AKAP6: variants seen among roughly 807,000 people sequenced by gnomAD.
AKAP6 encodes A-kinase anchor protein 6.
In AKAP6, 58 loss-of-function variants were observed where a neutral mutation model predicts 188.5. The observed-to-expected ratio is 0.31, with a 90% CI of 0.25 to 0.38. The LOEUF (loss-of-function observed/expected upper bound fraction) is 0.38, where lower values mean the gene tolerates loss of function less well. AKAP6 is among the 10% of genes least tolerant of loss of function. The pLI is 1.00. For synonymous variants in AKAP6, 989 were observed against 998.6 expected (o/e 0.99, Z 0.18); for missense variants, 2,710 against 2,740.0 (o/e 0.99, Z 0.24).
At position 32,385,913 on chromosome 14, in the gene AKAP6, T is replaced by C. The variant is rs564558605; in HGVS notation, c.-34-47547T>C. Among the ~76,000 whole-genome samples the C allele has an allele frequency of 2.1e-3, 310 of 148,846 alleles. 1 individual carries two copies. The highest frequency in any genetic ancestry group is 3.7e-3 in the Non-Finnish European group (248 of 67,386). On this transcript the variant is annotated intron_variant, in intron 1 of 13. Transcript: ENST00000280979. The stretch of plus-strand genomic sequence containing the variant: ...CAGTTCATATATATTGTACATGTAG[T>C]CATATATTATAGTTCATATATTATA...
chr14:32,762,387 T>A (rs1003048498), intron 11 of AKAP6, among the ~76,000 whole-genome samples: 4 of 152,144 alleles, frequency 2.6e-5, no homozygotes, highest in African/African-American at 9.7e-5. Flanking sequence ...AGGAACGATA[T>A]AACATATTAT....
At chr14:32,386,798 G>A (rs1328121469) in intron 1 of AKAP6, among the ~76,000 whole-genome samples, 4 of 152,082 alleles carry the variant, frequency 2.6e-5, no homozygotes, top group African/African-American at 9.7e-5. Flanking sequence ...GAAGAGATGA[G>A]GATCCAGTTT....
At chr14:32,763,109 A>G (rs1329966538) in intron 11 of AKAP6, among the ~76,000 whole-genome samples, 1 of 152,122 alleles carries the variant, frequency 6.6e-6, no homozygotes, top group Non-Finnish European at 1.5e-5. Context: ...TCAAGAGCCA[A>G]TAGAAATATG....
chr14:32,784,477 T>C (rs1037945202), intron 12 of AKAP6, among the ~76,000 whole-genome samples: 7 of 152,200 alleles, frequency 4.6e-5, no homozygotes, highest in African/African-American at 1.7e-4. Flanking sequence ...GAGGGTGTTA[T>C]ACATTGTGAG....
intron 7 of AKAP6, among the ~76,000 whole-genome samples, chr14:32,656,282 C>G (rs901438794): frequency 6.6e-6 from 1 of 152,032 alleles, no homozygotes; most frequent in Non-Finnish European, 1.5e-5. Flanking sequence ...AAAGGTGACT[C>G]TATTTAATGA....
chr14:32,352,664 G>A (rs767912722), intron 1 of AKAP6, among the ~76,000 whole-genome samples: 12 of 152,140 alleles, frequency 7.9e-5, no homozygotes, highest in Non-Finnish European at 1.5e-4. Context: ...TGTTGTATTT[G>A]TCTTTATGAG....
intron 12 of AKAP6, among the ~76,000 whole-genome samples, chr14:32,796,713 A>G (rs906689769): frequency 2.0e-5 from 3 of 152,116 alleles, no homozygotes; most frequent in African/African-American, 7.2e-5. Context: ...CATTCAGGAC[A>G]TAGCCATACC....
rs111844661 is a variant in AKAP6, at chr14:32,675,903, A to T, written c.2731-2408A>T. On this transcript the variant is annotated intron_variant, in intron 7 of 13. Transcript: ENST00000280979. ...ACAGAAATGGCTGAGAATTACAGAG[A>T]TGAATGCAGATTATTTTTCTGTAAT... Among the ~76,000 whole-genome samples the T allele has an allele frequency of 3.1e-3, 477 of 152,308 alleles. 2 individuals are homozygous for T. Among genetic ancestry groups the T allele is most frequent in the African/African-American group, 6.9e-3 (287 of 41,574 alleles).
intron 4 of AKAP6, among the ~76,000 whole-genome samples, chr14:32,576,681 TC>T (rs1318066022): frequency 6.6e-6 from 1 of 152,142 alleles, no homozygotes; most frequent in Non-Finnish European, 1.5e-5. Flanking sequence ...TCCACAGGCT[TC>T]TGGGTGAAGA....
intron 7 of AKAP6, among the ~76,000 whole-genome samples, chr14:32,630,872 A>G (rs938560776): frequency 2.0e-5 from 3 of 152,106 alleles, no homozygotes; most frequent in African/African-American, 7.2e-5. Flanking sequence ...CTTACCACCA[A>G]ATGACAAGGT....
chr14:32,730,135 A>G (rs2031101075), intron 9 of AKAP6, among the ~76,000 whole-genome samples: 1 of 152,158 alleles, frequency 6.6e-6, no homozygotes, highest in Non-Finnish European at 1.5e-5. Flanking sequence ...TTAACCTTCA[A>G]TATGCTTCAA....
intron 2 of AKAP6, among the ~76,000 whole-genome samples, chr14:32,497,166 C>A (rs1880362957): frequency 6.6e-6 from 1 of 152,090 alleles, no homozygotes; most frequent in African/African-American, 2.4e-5. Context: ...GTGTTAGGGT[C>A]TCTCTATGCA....
intron 2 of AKAP6, among the ~76,000 whole-genome samples, chr14:32,446,525 A>G (rs967012069): frequency 1.3e-5 from 2 of 152,100 alleles, no homozygotes; most frequent in African/African-American, 2.4e-5. Flanking sequence ...ATTTATTTTT[A>G]CTATCATAGA....
intron 2 of AKAP6, among the ~76,000 whole-genome samples, chr14:32,507,467 G>C (rs1880937207): frequency 6.6e-6 from 1 of 152,100 alleles, no homozygotes; most frequent in African/African-American, 2.4e-5. Flanking sequence ...AAATGCAATG[G>C]CTGGGTAGTT....
chr14:32,545,169 T>C (rs2139150811), intron 3 of AKAP6, 61 bp from the exon 4 acceptor site: 1 of 1,486,594 alleles, frequency 6.7e-7, no homozygotes, highest in East Asian at 2.3e-5. Flanking sequence ...TTCATTTACA[T>C]AGCAGCTGAT....
At chr14:32,637,247 A>C (rs1887536221) in intron 7 of AKAP6, among the ~76,000 whole-genome samples, 1 of 152,108 alleles carries the variant, frequency 6.6e-6, no homozygotes, top group Non-Finnish European at 1.5e-5. Context: ...GGGGTAACTG[A>C]TGGGAAGAAA....
intron 11 of AKAP6, among the ~76,000 whole-genome samples, chr14:32,765,419 A>G (rs116241034): frequency 3.3e-5 from 5 of 152,172 alleles, no homozygotes; most frequent in Non-Finnish European, 7.3e-5. Context: ...TAAGATGTAT[A>G]TGATTATATA....
rs144777304 is a variant in AKAP6 at position 32,514,910 on chromosome 14, T to G, written c.325-20644T>G. ...AATCCTGGAGTGAAGGTGGGGGTCTTAACTTTCATTCTGAATGAACCATAG... is the reference window on the plus strand; with the variant it reads ...AATCCTGGAGTGAAGGTGGGGGTCTGAACTTTCATTCTGAATGAACCATAG... On this transcript the variant is annotated intron_variant, in intron 2 of 13. Transcript: ENST00000280979. 1.0e-3 allele frequency among the ~76,000 whole-genome samples: 153 copies of G among 152,260 alleles called. 1 individual carries two copies. Among genetic ancestry groups the G allele is most frequent in the African/African-American group, 3.7e-3 (152 of 41,566 alleles).
At chr14:32,585,481 G>A (rs899906023) in intron 5 of AKAP6, among the ~76,000 whole-genome samples, 1 of 134,970 alleles carries the variant, frequency 7.4e-6, no homozygotes, top group African/African-American at 2.6e-5. Flanking sequence ...TGGTGACTAT[G>A]AACTATATAT....
Sources: gnomAD v4.1 joint callset for allele counts (sites outside exome capture counted in the v4.1 genomes callset) on GRCh38, gnomAD v4.1.1 for gene constraint, MANE v1.5 for transcripts, NCBI Gene and HGNC (gene_info 2026-07-23, HGNC 2026-07-21) for gene names.